The following PCSK2 variants were observed in gnomAD, a reference collection of about 807,000 sequenced individuals.
PCSK2 encodes the protein neuroendocrine convertase 2.
A neutral mutation model predicts 69.7 loss-of-function variants in PCSK2; 14 were observed. The observed-to-expected ratio is 0.20, with a 90% CI of 0.13 to 0.31. The LOEUF is 0.31. PCSK2 is among the 10% of genes least tolerant of loss of function. The pLI is 1.00. For missense variants in PCSK2, 544 were observed against 842.5 expected, an observed-to-expected ratio of 0.65 and a Z score of 4.39; for synonymous variants, 307 against 320.7, an observed-to-expected ratio of 0.96 and a Z score of 0.46.
At chr20:17,249,747 C>T (rs1221422561) in intron 1 of PCSK2, among the ~76,000 whole-genome samples, 1 of 152,102 alleles carries the variant, frequency 6.6e-6, no homozygotes, top group Non-Finnish European at 1.5e-5. Flanking sequence ...CAGGCACCAA[C>T]AGTCAAATAC....
rs753655282 is a variant in PCSK2, at chr20:17,268,033, G to GTATATATA, written c.282+7712_282+7719dup. Among the ~76,000 whole-genome samples, 526 of 66,182 alleles carry GTATATATA rather than the reference G, an allele frequency of 7.9e-3. 11 individuals carry two copies. Among genetic ancestry groups the GTATATATA allele is most frequent in the South Asian group, 0.03 (71 of 2,390 alleles). 43.4% of individuals were successfully genotyped at this position (66,182 alleles called of 152,430 possible). On this transcript the variant is annotated intron_variant, in intron 2 of 11. Coordinates refer to ENST00000262545, the MANE Select transcript of PCSK2 (RefSeq NM_002594.5). ...GGAAATGCATTTATATATCCAATGT[G>GTATATATA]TATATATATATATATATATATATAT...
intron 1 of PCSK2, among the ~76,000 whole-genome samples, chr20:17,254,375 G>A (rs558478563): frequency 2.4e-4 from 36 of 152,156 alleles, no homozygotes; most frequent in African/African-American, 8.7e-4. Flanking sequence ...TTTTGCATGT[G>A]GTATGAGATA....
chr20:17,260,134 C>G (rs1436284238), intron 1 of PCSK2, 106 bp from the exon 2 acceptor site: 6 of 718,040 alleles, frequency 8.4e-6, no homozygotes, highest in Admixed American at 2.0e-5. Context: ...TCCTTGCATA[C>G]TTCCCTACCC....
intron 2 of PCSK2, among the ~76,000 whole-genome samples, chr20:17,285,728 T>C (rs1988490568): frequency 6.6e-6 from 1 of 152,198 alleles, no homozygotes; most frequent in South Asian, 2.1e-4. Flanking sequence ...GGTTCTGGCC[T>C]TGGCAATCAT....
intron 2 of PCSK2, among the ~76,000 whole-genome samples, chr20:17,348,305 C>T (rs2029879302): frequency 6.6e-6 from 1 of 152,212 alleles, no homozygotes; most frequent in South Asian, 2.1e-4. Flanking sequence ...GGCATCTGGG[C>T]AGCTTTGGAG....
intron 1 of PCSK2, among the ~76,000 whole-genome samples, chr20:17,231,733 A>C (rs1986149342): frequency 6.6e-6 from 1 of 152,176 alleles, no homozygotes; most frequent in Non-Finnish European, 1.5e-5. Context: ...CCTCTGCTCG[A>C]GTCTTCACAG....
At chr20:17,410,836 A>G (rs952368337) in intron 6 of PCSK2, among the ~76,000 whole-genome samples, 11 of 152,250 alleles carry the variant, frequency 7.2e-5, no homozygotes, top group Admixed American at 3.3e-4. Flanking sequence ...AGTGCTGAGA[A>G]GGGCCATGAG....
chr20:17,407,781 T>C (rs2031785795), intron 5 of PCSK2, among the ~76,000 whole-genome samples: 1 of 152,096 alleles, frequency 6.6e-6, no homozygotes, highest in South Asian at 2.1e-4. Context: ...ACGAGAAGAC[T>C]TCCTCCTCTC....
chr20:17,436,208 C>A (rs964224003), intron 7 of PCSK2, among the ~76,000 whole-genome samples: 3 of 152,270 alleles, frequency 2.0e-5, no homozygotes, highest in African/African-American at 7.2e-5. Context: ...GTTCCTCTTT[C>A]CTGACCCCAC....
At chr20:17,241,399 G>T (rs1384276261) in intron 1 of PCSK2, among the ~76,000 whole-genome samples, 9 of 152,186 alleles carry the variant, frequency 5.9e-5, no homozygotes, top group African/African-American at 1.9e-4. Context: ...GGATTTTGCA[G>T]GTAGGTGGAA....
At chr20:17,299,920 GACTA>G (rs979742645) in intron 2 of PCSK2, among the ~76,000 whole-genome samples, 2 of 152,116 alleles carry the variant, frequency 1.3e-5, no homozygotes, top group African/African-American at 4.8e-5. Context: ...GAAAAGCATT[GACTA>G]ACTCTTTGGA....
intron 5 of PCSK2, 46 bp from the exon 6 acceptor site, chr20:17,409,217 G>A: frequency 6.9e-7 from 1 of 1,440,040 alleles, no homozygotes; most frequent in Non-Finnish European, 9.8e-7. Flanking sequence ...TCCCTTTACT[G>A]CGCCTCTGGC....
intron 2 of PCSK2, among the ~76,000 whole-genome samples, chr20:17,336,354 A>T (rs921928341): frequency 6.6e-6 from 1 of 152,182 alleles, no homozygotes; most frequent in Non-Finnish European, 1.5e-5. Flanking sequence ...AACTAGTTGA[A>T]TGCCATTGAT....
intron 2 of PCSK2, among the ~76,000 whole-genome samples, chr20:17,286,456 CG>C (rs1018370943): frequency 6.0e-5 from 9 of 151,016 alleles, no homozygotes; most frequent in African/African-American, 2.2e-4. Flanking sequence ...TGCACAGGAT[CG>C]TTTTTTTGTT....
intron 11 of PCSK2, among the ~76,000 whole-genome samples, chr20:17,473,510 G>T (rs1369576985): frequency 1.3e-5 from 2 of 152,106 alleles, no homozygotes; most frequent in African/African-American, 2.4e-5. Context: ...GCCTCTTTTT[G>T]TTCCACCACC....
intron 8 of PCSK2, among the ~76,000 whole-genome samples, chr20:17,448,182 G>T (rs1469899678): frequency 6.6e-6 from 1 of 152,160 alleles, no homozygotes; most frequent in Non-Finnish European, 1.5e-5. Flanking sequence ...TCCCAGGCTT[G>T]CCTCACCAGG....
intron 11 of PCSK2, among the ~76,000 whole-genome samples, 171 bp from the exon 12 acceptor site, chr20:17,481,413 A>AAAAAAAAAAG (rs113487407): frequency 8.6e-6 from 1 of 115,820 alleles, no homozygotes; most frequent in Non-Finnish European, 1.7e-5. Flanking sequence ...AAAAAAAAAA[A>AAAAAAAAAAG]AGAGATAAGT....
chr20:17,302,830 A>G (rs935871500), intron 2 of PCSK2, among the ~76,000 whole-genome samples: 2 of 152,094 alleles, frequency 1.3e-5, no homozygotes, highest in Non-Finnish European at 2.9e-5. Context: ...CCTTTTCCCA[A>G]TATGTTGTTG....
intron 5 of PCSK2, among the ~76,000 whole-genome samples, chr20:17,402,723 G>A (rs2031667558): frequency 6.8e-6 from 1 of 147,908 alleles, no homozygotes; most frequent in Non-Finnish European, 1.5e-5. Flanking sequence ...GGGAGGCCAA[G>A]GCGGGTGGAT....
Sources: gnomAD v4.1 joint callset for allele counts (sites outside exome capture counted in the v4.1 genomes callset) on GRCh38, gnomAD v4.1.1 for gene constraint, MANE v1.5 for transcripts, NCBI Gene and HGNC (gene_info 2026-07-23, HGNC 2026-07-21) for gene names.